SPEN: variants seen among roughly 807,000 people sequenced by gnomAD.
The protein encoded by SPEN is spen family transcriptional repressor.
SPEN carries 18 observed loss-of-function variants against 269.9 expected under a neutral mutation model. The ratio of observed to expected loss-of-function variants is 0.07; its 90% CI spans 0.05 to 0.10. SPEN has a LOEUF of 0.10. Among genes scored for constraint, SPEN ranks in the 10% least tolerant of loss-of-function variants. SPEN has a pLI of 1.00. For missense variants in SPEN, 3,822 were observed against 4,631.2 expected (o/e 0.83, Z 5.07); for synonymous variants, 1,726 against 1,765.7 (o/e 0.98, Z 0.56).
rs781064678 is a variant in SPEN at position 15,934,370 on chromosome 1, A to T, written c.8130A>T (p.Pro2710=). 1.2e-6 allele frequency: 2 copies of T among 1,613,630 alleles called. No individual in the cohort carries two copies. The highest frequency in any genetic ancestry group is 2.2e-5 in the South Asian group (2 of 91,086). The change falls in exon 11 of 15, where the codon CCA becomes CCT. Residue 2710 remains proline, a synonymous_variant. Transcript: ENST00000375759. This position sits in a 1 kb window ranked among gnomAD's most constrained non-coding sequence, Gnocchi z 9.2. The stretch of plus-strand genomic sequence containing the variant: ...GGCCAGTGAATGTTCTCACCACTCC[A>T]GTGAACGCCACGGTGGGCACAGTGA... ...LTGPVNVLTT[P]VNATVGTVNA...
intron 1 of SPEN, among the ~76,000 whole-genome samples, chr1:15,853,828 C>A (rs936233895): frequency 1.3e-5 from 2 of 152,102 alleles, no homozygotes; most frequent in African/African-American, 4.8e-5. Flanking sequence ...GCCACCACAC[C>A]AGGCTAATTT....
intron 3 of SPEN, among the ~76,000 whole-genome samples, chr1:15,885,218 T>C (rs780043107): frequency 6.6e-5 from 10 of 152,174 alleles, no homozygotes; most frequent in Non-Finnish European, 1.0e-4. Flanking sequence ...TATTTTTTTT[T>C]TGAGATGGAG....
At chr1:15,924,205 T>C (rs554988693) in intron 10 of SPEN, among the ~76,000 whole-genome samples, 2 of 152,298 alleles carry the variant, frequency 1.3e-5, no homozygotes, top group African/African-American at 4.8e-5. Context: ...GTGTGTCTCA[T>C]GTCAAGAGAG....
rs199667833 is a variant in SPEN at position 15,934,547 on chromosome 1, G to A, written c.8307G>A (p.Pro2769=). Residue 2769 remains proline (P), a synonymous_variant, in exon 11 of 15, where the codon CCG becomes CCA. Coordinates refer to ENST00000375759, the MANE Select transcript of SPEN (RefSeq NM_015001.3). The surrounding 1 kb of genome is among the most constrained non-coding windows in gnomAD (Gnocchi z 9.2). ...CAATGGCAGGGGCAGTGATTGCGCCGTCAACAAAGTGCAAACAGAGAGCGA... is the reference window on the plus strand; with the variant it reads ...CAATGGCAGGGGCAGTGATTGCGCCATCAACAAAGTGCAAACAGAGAGCGA... ...TVTMAGAVIA[P]STKCKQRASA... The A allele has an allele frequency of 1.9e-4, 299 of 1,614,048 alleles. No homozygotes were observed. Among genetic ancestry groups the A allele is most frequent in the African/African-American group, 2.3e-4 (17 of 75,052 alleles).
intron 1 of SPEN, among the ~76,000 whole-genome samples, chr1:15,864,324 A>G (rs765405782): frequency 2.0e-5 from 3 of 152,044 alleles, no homozygotes; most frequent in Non-Finnish European, 4.4e-5. Context: ...GCTTGCCACC[A>G]CGCCTGGCTA....
rs1162580196 is a variant in SPEN, at chr1:15,934,545, C to T, written c.8305C>T (p.Pro2769Ser). Residue 2769 changes from proline to serine, a missense_variant, in exon 11 of 15, where the codon CCG becomes TCG. Pro to Ser is a moderately conservative substitution (Grantham distance 74). Around this residue, in one of 16 missense-constraint regions of SPEN, gnomAD observed 329 missense variants for 431.2 expected, o/e 0.76. Transcript: ENST00000375759. This position sits in a 1 kb window ranked among gnomAD's most constrained non-coding sequence, Gnocchi z 9.2. Reference protein sequence around the residue: ...TVTMAGAVIAPSTKCKQRASA... With the variant: ...TVTMAGAVIASSTKCKQRASA... Reference sequence around the variant, plus strand: ...GACAATGGCAGGGGCAGTGATTGCGCCGTCAACAAAGTGCAAACAGAGAGC... The same window carrying T: ...GACAATGGCAGGGGCAGTGATTGCGTCGTCAACAAAGTGCAAACAGAGAGC... The T allele has an allele frequency of 2.5e-6, 4 of 1,614,064 alleles. No homozygotes were observed. Among genetic ancestry groups the T allele is most frequent in the Non-Finnish European group, 3.4e-6 (4 of 1,180,032 alleles).
rs1304253754 is a variant in SPEN, at chr1:15,933,156, A to G, written c.6916A>G (p.Ser2306Gly). The change falls in exon 11 of 15, where the codon AGT (serine) becomes GGT (glycine). Residue 2306 changes from serine to glycine, a missense_variant. This residue lies in a region of SPEN where 727 missense variants were observed against 737.9 expected (regional missense o/e 0.99). Coordinates refer to ENST00000375759, the MANE Select transcript of SPEN (RefSeq NM_015001.3). This position sits in a 1 kb window ranked among gnomAD's most constrained non-coding sequence, Gnocchi z 5.7. ...TDTKEARGNS[S>G]ETSHSVPEAK... ...TACCAAGGAAGCCAGAGGAAATAGC[A>G]GTGAAACCTCACACTCAGTGCCAGA... 6.2e-7 allele frequency: 1 copy of G among 1,612,572 alleles called. No individual in the cohort carries two copies. The highest frequency in any genetic ancestry group is 1.7e-5 in the Admixed American group (1 of 58,812).
In SPEN at chr1:15,887,575, G is replaced by T. The variant is rs148664093; in HGVS notation, c.881+10897G>T. Among the ~76,000 whole-genome samples, 992 of 151,700 alleles carry T rather than the reference G, an allele frequency of 6.5e-3. 10 individuals are homozygous for T. Among genetic ancestry groups the T allele is most frequent in the African/African-American group, 0.023 (933 of 41,376 alleles). On this transcript the variant is annotated intron_variant, in intron 3 of 14. Transcript: ENST00000375759. ...CTCCCAAAGTGCTGGGATTACAGGC[G>T]TGAGCCACTGTGCCTGGCCGAAAAA...
Position 15,893,052 on chromosome 1 carries a change from T to TGCGC in SPEN, c.882-16268_882-16265dup, listed in dbSNP as rs547026782. ...GGTGGAGGTTGCAGTGAGCTGAGAT[T>TGCGC]GCGCCATTGCACTCCAGCCTGGGCA... On this transcript the variant is annotated intron_variant, in intron 3 of 14. Transcript: ENST00000375759. 1.1e-3 allele frequency among the ~76,000 whole-genome samples: 175 copies of TGCGC among 152,234 alleles called. 1 individual carries two copies. The highest frequency in any genetic ancestry group is 0.01 in the Admixed American group (154 of 15,276).
intron 3 of SPEN, among the ~76,000 whole-genome samples, chr1:15,880,690 C>T (rs531524458): frequency 6.6e-6 from 1 of 152,190 alleles, no homozygotes; most frequent in East Asian, 1.9e-4. Flanking sequence ...CTCCTGACCT[C>T]AAGTGATCCA....
At chr1:15,860,903 T>G (rs2148705283) in intron 1 of SPEN, among the ~76,000 whole-genome samples, 1 of 151,274 alleles carries the variant, frequency 6.6e-6, no homozygotes, top group Non-Finnish European at 1.5e-5. Flanking sequence ...CCCGGACTTT[T>G]GTTTTGTTTT....
At chr1:15,867,930 A>C (rs1206118437) in intron 1 of SPEN, among the ~76,000 whole-genome samples, 1 of 151,848 alleles carries the variant, frequency 6.6e-6, no homozygotes, top group Non-Finnish European at 1.5e-5. Flanking sequence ...GCCTCCTGGG[A>C]TCAAGCAATC....
intron 5 of SPEN, among the ~76,000 whole-genome samples, chr1:15,914,948 C>G (rs1028140976): frequency 6.6e-6 from 1 of 152,108 alleles, no homozygotes; most frequent in Non-Finnish European, 1.5e-5. Context: ...ACTCTTATAT[C>G]TAAAATTTCC....
At position 15,848,935 on chromosome 1, in the gene SPEN, C is replaced by T. The variant is rs987216293; in HGVS notation, c.83+785C>T. On this transcript the variant is annotated intron_variant, in intron 1 of 14. Coordinates refer to ENST00000375759, the MANE Select transcript of SPEN (RefSeq NM_015001.3). The surrounding 1 kb of genome is among the most constrained non-coding windows in gnomAD (Gnocchi z 5.1). The stretch of plus-strand genomic sequence containing the variant: ...CCCTGGTGCCCCCCACCCCTGAATT[C>T]CCGAATCAAACGGTAAAACATTCCA... Among the ~76,000 whole-genome samples the T allele has an allele frequency of 3.9e-5, 6 of 152,010 alleles. No homozygotes were observed. Among genetic ancestry groups the T allele is most frequent in the South Asian group, 2.1e-4 (1 of 4,826 alleles).
At position 15,936,322 on chromosome 1, in the gene SPEN, G is replaced by A; in HGVS notation, c.10026+56G>A. On this transcript the variant is annotated intron_variant, in intron 11 of 14. Coordinates refer to ENST00000375759, the MANE Select transcript of SPEN (RefSeq NM_015001.3). The stretch of plus-strand genomic sequence containing the variant: ...GTTGGGCATGTGCTTGTGGGGCTCA[G>A]CAGGCTTTTAAGCCAAGATGTGTGA... The A allele has an allele frequency of 2.7e-6, 4 of 1,489,296 alleles. No homozygotes were observed. The South Asian group carries it at 5.7e-5, about 21-fold the overall frequency. The allele number at this position is 1,489,296 out of a possible 1,614,324, so 92.3% of individuals were successfully genotyped here.
Position 15,847,951 on chromosome 1 carries a change from C to A in SPEN, c.-117C>A, listed in dbSNP as rs2070289457. On this transcript the variant is annotated 5_prime_UTR_variant, in exon 1 of 15. Coordinates refer to ENST00000375759, the MANE Select transcript of SPEN (RefSeq NM_015001.3). ...CCGGAGGAGCCGCCGCCGCTGCCGACGCCACCGCCGCAGCCGCCGCCGCCG... is the reference window on the plus strand; with the variant it reads ...CCGGAGGAGCCGCCGCCGCTGCCGAAGCCACCGCCGCAGCCGCCGCCGCCG... 2.1e-6 allele frequency: 1 copy of A among 472,302 alleles called. No homozygotes were observed. The highest frequency in any genetic ancestry group is 3.3e-6 in the Non-Finnish European group (1 of 301,434). The allele number at this position is 472,302 out of a possible 1,614,324, so 29.3% of individuals were successfully genotyped here.
chr1:15,869,485 A>G (rs2070551412), intron 1 of SPEN, among the ~76,000 whole-genome samples: 1 of 152,198 alleles, frequency 6.6e-6, no homozygotes, highest in African/African-American at 2.4e-5. Context: ...GGTGGTTGTA[A>G]TGGATACATT....
rs1362063027 is a variant in SPEN at position 15,934,623 on chromosome 1, G to C, written c.8383G>C (p.Asp2795His). 6.2e-7 allele frequency: 1 copy of C among 1,613,846 alleles called. No homozygotes were observed. The highest frequency in any genetic ancestry group is 8.5e-7 in the Non-Finnish European group (1 of 1,179,794). The stretch of plus-strand genomic sequence containing the variant: ...CCCAGGGTCCATGCCTGTGATCGAC[G>C]ATCGTCCGGCAGACGCGGGCTCAGG... Reference protein sequence around the residue: ...FHPGSMPVIDDRPADAGSGAG... With the variant: ...FHPGSMPVIDHRPADAGSGAG... The change falls in exon 11 of 15, where the codon GAT (aspartate) becomes CAT (histidine). Residue 2795 changes from aspartate to histidine, a missense_variant. This residue lies in a region of SPEN where 329 missense variants were observed against 431.2 expected (regional missense o/e 0.76). Coordinates refer to ENST00000375759, the MANE Select transcript of SPEN (RefSeq NM_015001.3). This position sits in a 1 kb window ranked among gnomAD's most constrained non-coding sequence, Gnocchi z 9.2.
rs772105874 is a variant in SPEN, at chr1:15,909,361, C to G, written c.922C>G (p.Arg308Gly). 1 of 1,613,632 alleles carries G rather than the reference C, an allele frequency of 6.2e-7. No individual in the cohort carries two copies. The highest frequency in any genetic ancestry group is 8.5e-7 in the Non-Finnish European group (1 of 1,179,860). The part of the protein sequence containing the change: ...SSSSSDDSPA[R>G]SVQSAAVPAP... Reference sequence around the variant, plus strand: ...TAGTTCAAGTGATGATTCTCCAGCTCGATCAGTTCAGTCTGCAGCAGTCCC... The same window carrying G: ...TAGTTCAAGTGATGATTCTCCAGCTGGATCAGTTCAGTCTGCAGCAGTCCC... Residue 308 changes from arginine to glycine, a missense_variant, in exon 4 of 15, where the codon CGA (arginine) becomes GGA (glycine). This residue lies in a region of SPEN where 327 missense variants were observed against 350.8 expected (regional missense o/e 0.93). Transcript: ENST00000375759.
Sources: gnomAD v4.1 joint callset for allele counts (sites outside exome capture counted in the v4.1 genomes callset) on GRCh38, gnomAD v4.1.1 for gene constraint, gnomAD v4.1.1 regional missense constraint, Gnocchi (gnomAD v3.1) non-coding constraint, MANE v1.5 for transcripts, NCBI Gene and HGNC (gene_info 2026-07-23, HGNC 2026-07-21) for gene names.